Variants in SASH1 observed in about 807,000 individuals in gnomAD.
The protein encoded by SASH1 is SAM and SH3 domain containing 1.
A neutral mutation model predicts 125.2 loss-of-function variants in SASH1; 44 were observed. The observed-to-expected ratio is 0.35, with a 90% CI of 0.28 to 0.45. SASH1 has a LOEUF of 0.45. SASH1 is among the 20% of genes least tolerant of loss of function. The pLI is 1.00. For missense variants in SASH1, 1,426 were observed against 1,614.5 expected, an observed-to-expected ratio of 0.88 and a Z score of 2.00; for synonymous variants, 639 against 649.1, an observed-to-expected ratio of 0.98 and a Z score of 0.24.
chr6:148,514,272 G>A, intron 8 of SASH1, 52 bp from the exon 9 acceptor site: 1 of 1,573,878 alleles, frequency 6.4e-7, no homozygotes, highest in Non-Finnish European at 8.6e-7. Context: ...AGCCACACGG[G>A]CAAAGCTCGG....
At chr6:148,452,459 T>C (rs1311474132) in intron 4 of SASH1, among the ~76,000 whole-genome samples, 1 of 152,214 alleles carries the variant, frequency 6.6e-6, no homozygotes, top group Non-Finnish European at 1.5e-5. Flanking sequence ...CACCGATCAA[T>C]TTAGCTTGGA....
At chr6:148,286,878 G>A (rs184568957) in intron 1 of SASH1, among the ~76,000 whole-genome samples, 4 of 152,236 alleles carry the variant, frequency 2.6e-5, no homozygotes, top group Admixed American at 6.5e-5. Flanking sequence ...AACCCAGAGC[G>A]GTCCAGAGAC....
At chr6:148,370,301 G>T (rs1782659716) in intron 1 of SASH1, among the ~76,000 whole-genome samples, 1 of 152,174 alleles carries the variant, frequency 6.6e-6, no homozygotes, top group South Asian at 2.1e-4. Flanking sequence ...GAGATTTAAA[G>T]ATGGTTGGCA....
chr6:148,513,288 GAA>G (rs1780256162), intron 8 of SASH1: 1 of 985,346 alleles, frequency 1.0e-6, no homozygotes, highest in Non-Finnish European at 1.2e-6. Context: ...GAAATGGAGA[GAA>G]GGTTGTTGTC....
chr6:148,517,725 C>A (rs1780524914), intron 9 of SASH1, among the ~76,000 whole-genome samples: 1 of 152,204 alleles, frequency 6.6e-6, no homozygotes, highest in Admixed American at 6.5e-5. Context: ...TCGTCATGGA[C>A]ATGCGTGCAC....
rs1051710804 is a variant in SASH1 at position 148,393,714 on chromosome 6, G to C, written c.285+3452G>C. ...TTCCAAAACCGCAGAAGACAGTCTG[G>C]GGGGAGAAAACACCACATGAGCTTA... On this transcript the variant is annotated intron_variant, in intron 2 of 19. Coordinates refer to ENST00000367467, the MANE Select transcript of SASH1 (RefSeq NM_015278.5). The C allele has an allele frequency of 2.7e-5, 27 of 985,202 alleles. 1 individual carries two copies. Among genetic ancestry groups the C allele is most frequent in the African/African-American group, 7.0e-5 (4 of 57,216 alleles). 61.0% of individuals were successfully genotyped at this position (985,202 alleles called of 1,614,324 possible).
the SASH1 span, among the ~76,000 whole-genome samples, chr6:148,226,727 A>G: frequency 3.3e-5 from 5 of 152,156 alleles, no homozygotes; most frequent in African/African-American, 1.2e-4. Context: ...AAGTACACTT[A>G]TGTCACTCAG....
intron 2 of SASH1, among the ~76,000 whole-genome samples, chr6:148,413,192 TA>T (rs749306870): frequency 1.3e-4 from 20 of 152,208 alleles, no homozygotes; most frequent in Non-Finnish European, 2.6e-4. Flanking sequence ...AATGCCAGTT[TA>T]ATAGTTTGAC....
chr6:148,409,112 C>T (rs889530683), intron 2 of SASH1, among the ~76,000 whole-genome samples: 5 of 152,178 alleles, frequency 3.3e-5, no homozygotes, highest in Admixed American at 1.3e-4. Context: ...TATGATACTT[C>T]TCATGTCGTG....
At chr6:148,524,848 G>T (rs1302565430) in intron 10 of SASH1, 1 of 154,336 alleles carries the variant, frequency 6.5e-6, no homozygotes, top group Non-Finnish European at 1.4e-5. Flanking sequence ...TGTCAGAGCC[G>T]TGGGATTTCA....
At chr6:148,300,824 C>A (rs957466224) in intron 1 of SASH1, among the ~76,000 whole-genome samples, 4 of 152,050 alleles carry the variant, frequency 2.6e-5, no homozygotes, top group Non-Finnish European at 5.9e-5. Flanking sequence ...ACCAAGGAAG[C>A]AACATGAAGC....
chr6:148,399,547 G>T (rs1447053750), intron 2 of SASH1, among the ~76,000 whole-genome samples: 1 of 152,048 alleles, frequency 6.6e-6, no homozygotes, highest in South Asian at 2.1e-4. Context: ...TTTAGAAATG[G>T]TTTTTGTTTG....
intron 2 of SASH1, among the ~76,000 whole-genome samples, chr6:148,418,745 G>A (rs1246043201): frequency 6.6e-6 from 1 of 152,204 alleles, no homozygotes; most frequent in Non-Finnish European, 1.5e-5. Context: ...ATAGCGTGGT[G>A]CAGTATTCCG....
intron 1 of SASH1, among the ~76,000 whole-genome samples, chr6:148,324,454 A>C (rs1237853134): frequency 6.6e-6 from 1 of 152,154 alleles, no homozygotes; most frequent in African/African-American, 2.4e-5. Flanking sequence ...ACAAGCCAGA[A>C]ACCTGACATT....
At chr6:148,305,641 A>AAAAAAAAG (rs1554232122) in intron 1 of SASH1, among the ~76,000 whole-genome samples, 3 of 133,196 alleles carry the variant, frequency 2.3e-5, no homozygotes, top group Non-Finnish European at 3.2e-5. Flanking sequence ...AAAAAAAAAA[A>AAAAAAAAG]AAAGAAAGAA....
intron 1 of SASH1, among the ~76,000 whole-genome samples, chr6:148,278,197 G>A (rs9497990): frequency 0.2 from 30,561 of 151,714 alleles, 3,261 homozygotes; most frequent in Non-Finnish European, 0.24. Flanking sequence ...CACCATGCCC[G>A]GCTAATTTTT....
intron 10 of SASH1, among the ~76,000 whole-genome samples, chr6:148,523,283 C>T (rs984672320): frequency 6.6e-6 from 1 of 152,102 alleles, no homozygotes; most frequent in African/African-American, 2.4e-5. Flanking sequence ...GGGAAAGGAA[C>T]TAGAATAAAA....
At chr6:148,391,304 T>A (rs1172006418) in intron 2 of SASH1, among the ~76,000 whole-genome samples, 1 of 151,986 alleles carries the variant, frequency 6.6e-6, no homozygotes, top group Non-Finnish European at 1.5e-5. Flanking sequence ...AGACGGGGTT[T>A]CTCCATGTTG....
chr6:148,429,839 T>A lies in SASH1; in HGVS notation c.286-10345T>A, dbSNP rs549443929. Among the ~76,000 whole-genome samples the A allele has an allele frequency of 2.0e-5, 3 of 152,222 alleles. No individual in the cohort carries two copies. In the South Asian group the frequency reaches 6.2e-4, roughly 32 times the overall value. Reference sequence around the variant, plus strand: ...GGAGCCTGTGCAAGGCTGTAGAAAGTAACATTCTCAAGGGGATGTCCTGGC... The same window carrying A: ...GGAGCCTGTGCAAGGCTGTAGAAAGAAACATTCTCAAGGGGATGTCCTGGC... On this transcript the variant is annotated intron_variant, in intron 2 of 19. Coordinates refer to ENST00000367467, the MANE Select transcript of SASH1 (RefSeq NM_015278.5).
Sources: gnomAD v4.1 joint callset for allele counts (sites outside exome capture counted in the v4.1 genomes callset) on GRCh38, gnomAD v4.1.1 for gene constraint, MANE v1.5 for transcripts, NCBI Gene and HGNC (gene_info 2026-07-23, HGNC 2026-07-21) for gene names.